The following CD55 variants were observed in gnomAD, a reference collection of about 807,000 sequenced individuals.
CD55 encodes complement decay-accelerating factor.
Under a neutral mutation model 45.8 loss-of-function variants are expected in CD55, and 41 were observed. The observed-to-expected ratio is 0.90, with a 90% CI of 0.70 to 1.16. The LOEUF (loss-of-function observed/expected upper bound fraction) is 1.16, where lower values mean the gene tolerates loss of function less well. Among genes scored for constraint, CD55 ranks in the 50% most tolerant of loss-of-function variants. The pLI is 0.00. For missense variants in CD55, 416 were observed against 469.8 expected, an observed-to-expected ratio of 0.89 and a Z score of 1.06; for synonymous variants, 181 against 181.1, an observed-to-expected ratio of 1.00 and a Z score of 0.01.
intron 5 of CD55, among the ~76,000 whole-genome samples, chr1:207,330,720 A>C (rs1037670791): frequency 6.6e-6 from 1 of 152,224 alleles, no homozygotes; most frequent in African/African-American, 2.4e-5. Flanking sequence ...TATTAGGTTT[A>C]AACTCAAGTT....
At chr1:207,329,993 C>T (rs28371664) in intron 5 of CD55, among the ~76,000 whole-genome samples, 4 of 151,716 alleles carry the variant, frequency 2.6e-5, no homozygotes, top group East Asian at 1.9e-4. Flanking sequence ...CTGGCTACTT[C>T]GGGATGACCC....
rs951957812 is a variant in CD55 at position 207,360,276 on chromosome 1, G to A, written c.*666G>A. The A allele has an allele frequency of 1.3e-5, 2 of 152,102 alleles. 1 individual carries two copies. Among genetic ancestry groups the A allele is most frequent in the Non-Finnish European group, 2.9e-5 (2 of 67,984 alleles). The allele number at this position is 152,102 out of a possible 1,614,324, so 9.4% of individuals were successfully genotyped here. On this transcript the variant is annotated 3_prime_UTR_variant, in exon 10 of 10. Coordinates refer to ENST00000367064, the MANE Select transcript of CD55 (RefSeq NM_000574.5). ...CTTCTTTGACTTAATGTCTTTAAAAGTATCCAGAGATACTACAATATTAAC... is the reference window on the plus strand; with the variant it reads ...CTTCTTTGACTTAATGTCTTTAAAAATATCCAGAGATACTACAATATTAAC...
chr1:207,355,170 C>T (rs1656028087), intron 9 of CD55, among the ~76,000 whole-genome samples: 1 of 152,176 alleles, frequency 6.6e-6, no homozygotes, highest in South Asian at 2.1e-4. Flanking sequence ...ACAATTTTCA[C>T]ATGGCAGTGC....
At chr1:207,324,402 A>G (rs1654571340) in intron 2 of CD55, among the ~76,000 whole-genome samples, 157 bp from the exon 3 acceptor site, 1 of 152,122 alleles carries the variant, frequency 6.6e-6, no homozygotes, top group South Asian at 2.1e-4. Context: ...TACATTTGCT[A>G]CATTGCAAGT....
At chr1:207,344,010 G>A (rs1655532081) in intron 9 of CD55, among the ~76,000 whole-genome samples, 1 of 152,168 alleles carries the variant, frequency 6.6e-6, no homozygotes, top group African/African-American at 2.4e-5. Context: ...GTGTTAGCAT[G>A]GAGTATCTTT....
intron 9 of CD55, among the ~76,000 whole-genome samples, chr1:207,342,861 A>G (rs746071475): frequency 2.0e-5 from 3 of 152,022 alleles, no homozygotes; most frequent in Non-Finnish European, 2.9e-5. Flanking sequence ...TTTTATTACA[A>G]TTCAGTCTTA....
intron 5 of CD55, 62 bp from the exon 6 acceptor site, chr1:207,331,046 T>G: frequency 6.7e-6 from 8 of 1,187,882 alleles, no homozygotes; most frequent in South Asian, 2.9e-5. Context: ...TGTTTTGATC[T>G]TATTTGTAAA....
Position 207,325,724 on chromosome 1 carries a change from A to G in CD55, c.578+3A>G, listed in dbSNP as rs1224525007. On this transcript the variant is annotated splice_donor_region_variant and intron_variant, in intron 4 of 9. Coordinates refer to ENST00000367064, the MANE Select transcript of CD55 (RefSeq NM_000574.5). ...ATCTCCTTCTCATGTAACACAGGGTAAGTTTGGGCATACTAAAACCCTGTA... is the reference window on the plus strand; with the variant it reads ...ATCTCCTTCTCATGTAACACAGGGTGAGTTTGGGCATACTAAAACCCTGTA... 7.1e-6 allele frequency: 11 copies of G among 1,549,480 alleles called. No individual in the cohort carries two copies. The highest frequency in any genetic ancestry group is 8.9e-6 in the Non-Finnish European group (10 of 1,122,584).
intron 9 of CD55, 119 bp downstream of exon 9, chr1:207,339,536 T>A (rs1007481120): frequency 1.3e-6 from 1 of 794,492 alleles, no homozygotes; most frequent in East Asian, 2.6e-5. Flanking sequence ...GCAATTTATT[T>A]TTAAACTTTT....
At position 207,340,552 on chromosome 1, in the gene CD55, T is replaced by G. The variant is rs1035532366; in HGVS notation, c.1081+1135T>G. The G allele has an allele frequency of 4.3e-6, 3 of 698,932 alleles. No homozygotes were observed. The African/African-American group carries it at 5.3e-5, about 12-fold the overall frequency. The allele number at this position is 698,932 out of a possible 1,614,324, so 43.3% of individuals were successfully genotyped here. A position where few individuals can be genotyped will look rare whatever the true frequency, so the allele number is the denominator to read the frequency against. ...GGCTAAGTTTTTGAAATTTATTTTT[T>G]GTAGAGACAGGATTTTCCTATGTTG... On this transcript the variant is annotated intron_variant, in intron 9 of 9. Transcript: ENST00000367064.
In CD55 at chr1:207,356,089, A is replaced by C. The variant is rs186445249; in HGVS notation, c.1082-3457A>C. Among the ~76,000 whole-genome samples the C allele has an allele frequency of 1.8e-4, 28 of 152,316 alleles. 1 individual carries two copies. The highest frequency in any genetic ancestry group is 6.3e-4 in the African/African-American group (26 of 41,572). ...GTATGTCATTGTGAAACTATAATGT[A>C]ATTTTAATTGCTCATGTTTCTATTA... On this transcript the variant is annotated intron_variant, in intron 9 of 9. Coordinates refer to ENST00000367064, the MANE Select transcript of CD55 (RefSeq NM_000574.5).
chr1:207,359,597 G>T lies in CD55; in HGVS notation c.1133G>T (p.Gly378Val). Residue 378 changes from glycine to valine, a missense_variant, in exon 10 of 10, where the codon GGC becomes GTC. Physicochemically the swap from Gly to Val is moderately radical, Grantham distance 109 (BLOSUM62 -3). Around this residue, in one of 3 missense-constraint regions of CD55, gnomAD observed 182 missense variants for 201.4 expected, o/e 0.90. Coordinates refer to ENST00000367064, the MANE Select transcript of CD55 (RefSeq NM_000574.5). Reference sequence around the variant, plus strand: ...TTGCTTGGGACGCTAGTAACCATGGGCTTGCTGACTTAGCCAAAGAAGAGT... The same window carrying T: ...TTGCTTGGGACGCTAGTAACCATGGTCTTGCTGACTTAGCCAAAGAAGAGT... ...TGLLGTLVTM[G>V]LLT 2 of 1,593,650 alleles carry T rather than the reference G, an allele frequency of 1.3e-6. No individual in the cohort carries two copies. The highest frequency in any genetic ancestry group is 2.3e-5 in the East Asian group (1 of 44,090).
intron 2 of CD55, among the ~76,000 whole-genome samples, chr1:207,323,254 GATAT>G (rs757138977): frequency 5.4e-5 from 8 of 149,444 alleles, no homozygotes; most frequent in African/African-American, 1.5e-4. Flanking sequence ...TATAGGGAGA[GATAT>G]ATATATATAG....
chr1:207,353,353 A>G (rs1655957062), intron 9 of CD55, among the ~76,000 whole-genome samples: 1 of 152,174 alleles, frequency 6.6e-6, no homozygotes, highest in African/African-American at 2.4e-5. Flanking sequence ...AAAGAATAAT[A>G]AATAAGAAGT....
Position 207,321,735 on chromosome 1 carries a change from G to A in CD55, c.-31G>A. 6.8e-7 allele frequency: 1 copy of A among 1,468,600 alleles called. No individual in the cohort carries two copies. The highest frequency in any genetic ancestry group is 9.0e-7 in the Non-Finnish European group (1 of 1,111,034). 91.0% of individuals were successfully genotyped at this position (1,468,600 alleles called of 1,614,324 possible). On this transcript the variant is annotated 5_prime_UTR_variant, in exon 1 of 10. Coordinates refer to ENST00000367064, the MANE Select transcript of CD55 (RefSeq NM_000574.5). The stretch of plus-strand genomic sequence containing the variant: ...GTAGCTGCGACTCGGCGGAGTCCCG[G>A]CGGCGCGTCCTTGTTCTAACCCGGC...
chr1:207,346,359 G>GGT (rs1655639546), intron 9 of CD55, among the ~76,000 whole-genome samples: 1 of 152,178 alleles, frequency 6.6e-6, no homozygotes. Context: ...GTACTGAGAG[G>GGT]GTGACGCTGG....
Position 207,321,744 on chromosome 1 carries a change from C to G in CD55, c.-22C>G, listed in dbSNP as rs879066510. 1 of 1,497,046 alleles carries G rather than the reference C, an allele frequency of 6.7e-7. No homozygotes were observed. Among genetic ancestry groups the G allele is most frequent in the Non-Finnish European group, 8.9e-7 (1 of 1,129,452 alleles). 92.7% of individuals were successfully genotyped at this position (1,497,046 alleles called of 1,614,324 possible). On this transcript the variant is annotated 5_prime_UTR_variant, in exon 1 of 10. Coordinates refer to ENST00000367064, the MANE Select transcript of CD55 (RefSeq NM_000574.5). ...ACTCGGCGGAGTCCCGGCGGCGCGT[C>G]CTTGTTCTAACCCGGCGCGCCATGA...
intron 2 of CD55, among the ~76,000 whole-genome samples, chr1:207,323,648 A>C (rs1327414524): frequency 6.6e-6 from 1 of 152,232 alleles, no homozygotes; most frequent in Non-Finnish European, 1.5e-5. Flanking sequence ...AATCAATAGA[A>C]GCTACTGTAA....
Position 207,331,137 on chromosome 1 carries a change from G to T in CD55, c.694G>T (p.Asp232Tyr). The change falls in exon 6 of 10, where the codon GAC becomes TAC. Residue 232 changes from aspartate (D) to tyrosine (Y), a missense_variant. Transcript: ENST00000367064. Reference protein sequence around the residue: ...EIYCPAPPQIDNGIIQGERDH... With the variant: ...EIYCPAPPQIYNGIIQGERDH... ...TTATTGTCCAGCACCACCACAAATTGACAATGGAATAATTCAAGGGGAACG... is the reference window on the plus strand; with the variant it reads ...TTATTGTCCAGCACCACCACAAATTTACAATGGAATAATTCAAGGGGAACG... 1 of 1,612,840 alleles carries T rather than the reference G, an allele frequency of 6.2e-7. No homozygotes were observed. Among genetic ancestry groups the T allele is most frequent in the South Asian group, 1.1e-5 (1 of 90,794 alleles).
Sources: allele counts gnomAD v4.1 joint callset (sites outside exome capture counted in the v4.1 genomes callset), GRCh38; gene constraint gnomAD v4.1.1; regional missense constraint gnomAD v4.1.1; transcripts MANE v1.5; gene names NCBI Gene and HGNC (gene_info 2026-07-23, HGNC 2026-07-21).